Variants in ARHGEF28 observed in about 807,000 individuals in gnomAD.
The protein encoded by ARHGEF28 is Rho guanine nucleotide exchange factor 28.
In ARHGEF28, 152 loss-of-function variants were observed where a neutral mutation model predicts 206.6. The ratio of observed to expected loss-of-function variants is 0.74; its 90% confidence interval spans 0.64 to 0.84. The LOEUF is 0.84. ARHGEF28 is among the 40% of genes least tolerant of loss of function. ARHGEF28 has a pLI of 0.00. For missense variants in ARHGEF28, 2,028 were observed against 2,073.2 expected, an observed-to-expected ratio of 0.98 and a Z score of 0.42; for synonymous variants, 763 against 776.4, an observed-to-expected ratio of 0.98 and a Z score of 0.29.
At chr5:73,848,755 T>C (rs949484358) in intron 12 of ARHGEF28, among the ~76,000 whole-genome samples, 4 of 152,118 alleles carry the variant, frequency 2.6e-5, no homozygotes, top group African/African-American at 9.7e-5. Flanking sequence ...CTATAGTATA[T>C]ACAGGAACTA....
intron 9 of ARHGEF28, among the ~76,000 whole-genome samples, chr5:73,815,036 A>T (rs966911226): frequency 1.3e-5 from 2 of 152,116 alleles, no homozygotes; most frequent in African/African-American, 4.8e-5. Context: ...CTTTTTATCT[A>T]AGAAAATTGA....
chr5:73,637,178 A>C (rs1162728125), intron 1 of ARHGEF28, among the ~76,000 whole-genome samples: 1 of 152,186 alleles, frequency 6.6e-6, no homozygotes, highest in Non-Finnish European at 1.5e-5. Flanking sequence ...ACCTAACCCC[A>C]GTGAGGCTGG....
rs527943432 is a variant in ARHGEF28, at chr5:73,925,731, C to CT, written c.4948+14162dup. Among the ~76,000 whole-genome samples the CT allele has an allele frequency of 3.9e-4, 57 of 145,700 alleles. No individual in the cohort carries two copies. In the East Asian group the frequency reaches 8.9e-3, roughly 23 times the overall value. ...ACACTTTGTGCCTTTTGGGGCCTAG[C>CT]TTTTTTCACTCAGCATATTATTTTT... is the stretch of plus-strand genomic sequence containing the variant. On this transcript the variant is annotated intron_variant, in intron 35 of 35. Transcript: ENST00000513042.
chr5:73,749,726 A>C, intron 2 of ARHGEF28, 111 bp from the exon 3 acceptor site: 1 of 1,194,790 alleles, frequency 8.4e-7, no homozygotes, highest in Non-Finnish European at 1.2e-6. Context: ...ACTCAACCAC[A>C]TGAAGTGAAC....
At chr5:73,744,462 G>A (rs970672216) in intron 2 of ARHGEF28, among the ~76,000 whole-genome samples, 1 of 151,894 alleles carries the variant, frequency 6.6e-6, no homozygotes, top group Non-Finnish European at 1.5e-5. Context: ...TAATAACCAT[G>A]CATGCTTTTT....
intron 2 of ARHGEF28, among the ~76,000 whole-genome samples, chr5:73,738,954 C>T (rs1751191403): frequency 6.6e-6 from 1 of 151,996 alleles, no homozygotes; most frequent in Non-Finnish European, 1.5e-5. Context: ...CAGTGGTGCA[C>T]ATGTAAAGCT....
At chr5:73,731,035 C>A (rs1271833403) in intron 2 of ARHGEF28, among the ~76,000 whole-genome samples, 1 of 147,472 alleles carries the variant, frequency 6.8e-6, no homozygotes, top group Non-Finnish European at 1.5e-5. Context: ...CCTCTAATCT[C>A]TTATGCAGAA....
chr5:73,720,292 G>A (rs1251586939), intron 2 of ARHGEF28, among the ~76,000 whole-genome samples: 1 of 152,148 alleles, frequency 6.6e-6, no homozygotes, highest in Non-Finnish European at 1.5e-5. Flanking sequence ...AGGAAGTATG[G>A]TCTTTCTCTT....
intron 2 of ARHGEF28, among the ~76,000 whole-genome samples, chr5:73,745,657 C>A (rs971381437): frequency 6.6e-5 from 10 of 151,966 alleles, no homozygotes; most frequent in African/African-American, 2.4e-4. Flanking sequence ...ATTTGTGATT[C>A]CTGTTTTCCA....
chr5:73,691,393 C>T (rs953436628), intron 2 of ARHGEF28, among the ~76,000 whole-genome samples: 1 of 152,140 alleles, frequency 6.6e-6, no homozygotes, highest in African/African-American at 2.4e-5. Context: ...TTTCCCCTCA[C>T]CCCCATTTTA....
chr5:73,805,136 G>A (rs1474232016), intron 9 of ARHGEF28, among the ~76,000 whole-genome samples: 2 of 152,136 alleles, frequency 1.3e-5, no homozygotes, highest in Non-Finnish European at 1.5e-5. Context: ...AGTTTTGGTA[G>A]CTGGGAACTC....
intron 1 of ARHGEF28, among the ~76,000 whole-genome samples, chr5:73,630,380 T>A (rs1478365703): frequency 6.6e-6 from 1 of 152,136 alleles, no homozygotes; most frequent in Non-Finnish European, 1.5e-5. Flanking sequence ...TTGCCCTGGC[T>A]ATGTGACCTC....
At chr5:73,914,139 C>A (rs867732928) in intron 35 of ARHGEF28, among the ~76,000 whole-genome samples, 18 of 152,242 alleles carry the variant, frequency 1.2e-4, no homozygotes, top group African/African-American at 4.3e-4. Context: ...TCTACCCCCA[C>A]CCCTGCCACC....
intron 12 of ARHGEF28, among the ~76,000 whole-genome samples, chr5:73,848,078 C>G (rs987041769): frequency 6.6e-6 from 1 of 152,152 alleles, no homozygotes; most frequent in Non-Finnish European, 1.5e-5. Flanking sequence ...AAGAGTTTTG[C>G]ATTATTTTCT....
intron 14 of ARHGEF28, among the ~76,000 whole-genome samples, chr5:73,854,606 G>A (rs572364346): frequency 6.2e-4 from 95 of 152,100 alleles, no homozygotes; most frequent in African/African-American, 2.1e-3. Context: ...AGAGGCGGGC[G>A]GATCATCTGA....
intron 10 of ARHGEF28, among the ~76,000 whole-genome samples, chr5:73,838,489 G>A (rs1186348864): frequency 6.6e-6 from 1 of 152,088 alleles, no homozygotes; most frequent in Non-Finnish European, 1.5e-5. Flanking sequence ...CATGATGAAA[G>A]TTACTTTGAA....
chr5:73,934,972 A>C (rs1231321576), intron 35 of ARHGEF28, among the ~76,000 whole-genome samples: 1 of 152,244 alleles, frequency 6.6e-6, no homozygotes, highest in Non-Finnish European at 1.5e-5. Context: ...TGGCTCCCTA[A>C]CAGTGGCCTT....
At position 73,832,349 on chromosome 5, in the gene ARHGEF28, G is replaced by A. The variant is rs754962592; in HGVS notation, c.1036G>A (p.Asp346Asn). ...QHSLDLDRSF[D>N]ILKKSKPPST... ...TTTTTGTACTCTAGATCGCTCCTTC[G>A]ATATCCTAAAAAAATCCAAGCCGCC... The change falls in exon 10 of 36, where the codon GAT becomes AAT. Residue 346 changes from aspartate (D) to asparagine (N), a missense_variant. By Grantham distance (23) the Asp-to-Asn change is conservative. Transcript: ENST00000513042. The A allele has an allele frequency of 9.3e-6, 15 of 1,612,286 alleles. No homozygotes were observed. The highest frequency in any genetic ancestry group is 2.2e-5 in the South Asian group (2 of 90,602).
At chr5:73,787,041 T>C (rs936020787) in intron 7 of ARHGEF28, among the ~76,000 whole-genome samples, 10 of 152,174 alleles carry the variant, frequency 6.6e-5, no homozygotes, top group Non-Finnish European at 7.3e-5. Context: ...GGGAAAACAA[T>C]AGGGCTCTTA....
Sources: gnomAD v4.1 joint callset for allele counts (sites outside exome capture counted in the v4.1 genomes callset) on GRCh38, gnomAD v4.1.1 for gene constraint, MANE v1.5 for transcripts, NCBI Gene and HGNC (gene_info 2026-07-23, HGNC 2026-07-21) for gene names.